Variants in TLN2 observed in about 807,000 individuals in gnomAD.
The protein encoded by TLN2 is talin-2.
A neutral mutation model predicts 294.7 loss-of-function variants in TLN2; 118 were observed. That is an observed-to-expected ratio of 0.40 (90% CI 0.34 to 0.47). The LOEUF is 0.47. Ranked by LOEUF, TLN2 falls within the 20% of genes least tolerant of loss-of-function variation. The pLI, the probability that TLN2 is intolerant of heterozygous loss-of-function variation, is 0.84. For synonymous variants in TLN2, 1,431 were observed against 1,304.5 expected (o/e 1.10, Z -2.09); for missense variants, 3,083 against 3,282.2 (o/e 0.94, Z 1.48).
At chr15:62,649,371 C>G (rs1235439288) in intron 4 of TLN2, among the ~76,000 whole-genome samples, 1 of 151,870 alleles carries the variant, frequency 6.6e-6, no homozygotes, top group Non-Finnish European at 1.5e-5. Flanking sequence ...TTTGAAGTTG[C>G]TTTTCTAAGA....
chr15:62,574,578 TCAAAAAAAAAAAAAAAAAAAAAAA>T (rs869292094), intron 1 of TLN2, among the ~76,000 whole-genome samples: 1 of 15,640 alleles, frequency 6.4e-5, no homozygotes, highest in African/African-American at 1.8e-4. Context: ...AGACCCTGTC[TCAAAAAAAAAAAAAAAAAAAAAAA>T]AAAAAAAAAA....
chr15:62,447,316 G>A lies in TLN2; in HGVS notation c.-238+56631G>A, dbSNP rs535320570. The stretch of plus-strand genomic sequence containing the variant: ...GCCAAGGAAAGTTTTACGAGGTAGT[G>A]GGTCCAGAACGTCGGGGTGGGTTGC... On this transcript the variant is annotated intron_variant, in intron 1 of 58. Transcript: ENST00000636159. Among the ~76,000 whole-genome samples, 6 of 152,132 alleles carry A rather than the reference G, an allele frequency of 3.9e-5. No individual in the cohort carries two copies. The South Asian group carries it at 1.0e-3, about 26-fold the overall frequency.
chr15:62,840,496 G>T lies in TLN2; in HGVS notation c.7515G>T (p.Gln2505His). Residue 2505 changes from glutamine (Q) to histidine (H), a missense_variant, in exon 59 of 59, where the codon CAG becomes CAT. By Grantham distance (24) the Gln-to-His change is conservative. Coordinates refer to ENST00000636159, the MANE Select transcript of TLN2 (RefSeq NM_015059.3). Reference sequence around the variant, plus strand: ...TTTCTTTCTAGATCATCGCCGCCCAGGAAGAAATGCTAAAGAAAGAGCGAG... The same window carrying T: ...TTTCTTTCTAGATCATCGCCGCCCATGAAGAAATGCTAAAGAAAGAGCGAG... ...VGGIAQIIAA[Q>H]EEMLKKEREL... 6.2e-7 allele frequency: 1 copy of T among 1,614,184 alleles called. No homozygotes were observed. The highest frequency in any genetic ancestry group is 1.7e-4 in the Middle Eastern group (1 of 6,060).
intron 1 of TLN2, among the ~76,000 whole-genome samples, chr15:62,487,762 G>C (rs1166715349): frequency 6.6e-6 from 1 of 152,022 alleles, no homozygotes; most frequent in African/African-American, 2.4e-5. Context: ...AATTAGCCGG[G>C]CATGGTGGCA....
chr15:62,722,185 G>A (rs1036566678), intron 25 of TLN2, among the ~76,000 whole-genome samples, 168 bp from the exon 26 acceptor site: 1 of 152,068 alleles, frequency 6.6e-6, no homozygotes, highest in African/African-American at 2.4e-5. Context: ...CTGCCCTAGA[G>A]TATCTGGCTT....
At position 62,835,505 on chromosome 15, in the gene TLN2, A is replaced by G. The variant is rs1039297190; in HGVS notation, c.7129-232A>G. ...CTGGAAGCTAAGTGGAGCCATTCTT[A>G]GCATTTCCTGTCGCCTCTTGGTGGC... On this transcript the variant is annotated intron_variant, in intron 55 of 58. Coordinates refer to ENST00000636159, the MANE Select transcript of TLN2 (RefSeq NM_015059.3). The G allele has an allele frequency of 1.7e-5, 10 of 584,124 alleles. No homozygotes were observed. The East Asian group carries it at 2.8e-4, about 17-fold the overall frequency. 36.2% of individuals were successfully genotyped at this position (584,124 alleles called of 1,614,324 possible). A position where few individuals can be genotyped will look rare whatever the true frequency, so the allele number is the denominator to read the frequency against.
At chr15:62,624,638 G>A (rs941408830) in intron 3 of TLN2, among the ~76,000 whole-genome samples, 1 of 140,230 alleles carries the variant, frequency 7.1e-6, no homozygotes, top group Non-Finnish European at 1.6e-5. Flanking sequence ...TGCTTGTCAG[G>A]TTGTCTTAAC....
chr15:62,754,580 T>A (rs888875434), intron 36 of TLN2: 3 of 151,762 alleles, frequency 2.0e-5, no homozygotes, highest in South Asian at 4.2e-4. Context: ...GGAATGGGGG[T>A]GGAGGAGGCA....
At chr15:62,556,514 T>C (rs775280382) in intron 1 of TLN2, among the ~76,000 whole-genome samples, 17 of 151,882 alleles carry the variant, frequency 1.1e-4, no homozygotes, top group Admixed American at 2.0e-4. Flanking sequence ...AGTTTTGCCA[T>C]GTTGTCCAGG....
intron 3 of TLN2, among the ~76,000 whole-genome samples, chr15:62,630,055 A>G (rs1256469803): frequency 4.6e-5 from 7 of 152,212 alleles, no homozygotes; most frequent in Non-Finnish European, 4.4e-5. Context: ...TGTGTCGTGT[A>G]TATAACGAGC....
intron 1 of TLN2, among the ~76,000 whole-genome samples, chr15:62,472,706 A>G (rs1002640213): frequency 6.6e-6 from 1 of 152,138 alleles, no homozygotes; most frequent in African/African-American, 2.4e-5. Context: ...TTTGGTCAAA[A>G]TAGTAGTGGT....
At chr15:62,741,748 C>CGCACGCGCGCGTGTGTGTGTGT in intron 32 of TLN2, among the ~76,000 whole-genome samples, 3 of 131,072 alleles carry the variant, frequency 2.3e-5, no homozygotes, top group Non-Finnish European at 4.8e-5. Flanking sequence ...AAAATTTGCG[C>CGCACGCGCGCGTGTGTGTGTGT]GTGTGTGTGT....
intron 1 of TLN2, among the ~76,000 whole-genome samples, chr15:62,574,830 T>C (rs988984510): frequency 8.6e-5 from 13 of 152,040 alleles, no homozygotes; most frequent in African/African-American, 2.4e-4. Context: ...GTTGTAGATA[T>C]AAAAATATAA....
intron 3 of TLN2, among the ~76,000 whole-genome samples, chr15:62,635,231 C>G (rs1230096093): frequency 2.0e-5 from 3 of 151,774 alleles, no homozygotes; most frequent in Non-Finnish European, 4.4e-5. Flanking sequence ...ACTGATGATT[C>G]CTTTAACAAA....
intron 7 of TLN2, among the ~76,000 whole-genome samples, chr15:62,654,999 A>G (rs1596516147): frequency 2.0e-5 from 3 of 150,730 alleles, no homozygotes; most frequent in Non-Finnish European, 2.9e-5. Flanking sequence ...CTGTATCGGG[A>G]TGACATCATT....
At chr15:62,629,759 T>C in intron 3 of TLN2, among the ~76,000 whole-genome samples, 1 of 152,214 alleles carries the variant, frequency 6.6e-6, no homozygotes, top group Non-Finnish European at 1.5e-5. Flanking sequence ...TCAAAGTGTA[T>C]GTTTTTGAGT....
At chr15:62,617,231 A>G (rs569345201) in intron 2 of TLN2, among the ~76,000 whole-genome samples, 1 of 152,012 alleles carries the variant, frequency 6.6e-6, no homozygotes, top group South Asian at 2.1e-4. Context: ...CACATGTCCA[A>G]GCAGAAGGCA....
intron 1 of TLN2, among the ~76,000 whole-genome samples, chr15:62,542,138 A>G (rs895124703): frequency 1.3e-5 from 2 of 152,134 alleles, no homozygotes; most frequent in Admixed American, 1.3e-4. Context: ...CTTTTTCAAA[A>G]TCACATGCTT....
intron 1 of TLN2, among the ~76,000 whole-genome samples, chr15:62,514,297 C>G (rs2040077068): frequency 6.6e-6 from 1 of 152,124 alleles, no homozygotes; most frequent in Admixed American, 6.5e-5. Context: ...AAAAAAATAA[C>G]CATAAAACTT....
Sources: allele counts gnomAD v4.1 joint callset (sites outside exome capture counted in the v4.1 genomes callset), GRCh38; gene constraint gnomAD v4.1.1; transcripts MANE v1.5; gene names NCBI Gene and HGNC (gene_info 2026-07-23, HGNC 2026-07-21).